Variants in SYNE2 observed in about 807,000 individuals in gnomAD.
SYNE2 encodes nesprin-2.
Under a neutral mutation model 856.3 loss-of-function variants are expected in SYNE2, and 431 were observed. The observed-to-expected ratio is 0.50, with a 90% CI of 0.47 to 0.55. SYNE2 has a LOEUF of 0.55. Among genes scored for constraint, SYNE2 ranks in the 20% least tolerant of loss-of-function variants. The pLI is 0.00. For synonymous variants in SYNE2, 2,923 were observed against 2,872.3 expected, an observed-to-expected ratio of 1.02 and a Z score of -0.56; for missense variants, 8,129 against 8,023.2, an observed-to-expected ratio of 1.01 and a Z score of -0.50.
chr14:64,101,813 G>A (rs2097732190), intron 63 of SYNE2, 119 bp from the exon 64 acceptor site: 1 of 736,758 alleles, frequency 1.4e-6, no homozygotes, highest in South Asian at 1.5e-5. Context: ...TGCAATAAAG[G>A]GCTGTGGTTA....
intron 96 of SYNE2, among the ~76,000 whole-genome samples, chr14:64,181,160 G>T (rs556687029): frequency 2.0e-5 from 3 of 151,898 alleles, no homozygotes; most frequent in South Asian, 2.1e-4. Context: ...TTAAGCAGAA[G>T]TATTAATAGC....
intron 82 of SYNE2, among the ~76,000 whole-genome samples, chr14:64,143,172 A>G (rs572250859): frequency 1.5e-4 from 23 of 152,328 alleles, no homozygotes; most frequent in Admixed American, 1.2e-3. Flanking sequence ...GGTGTCTCCA[A>G]AAGAGGTGCT....
intron 99 of SYNE2, among the ~76,000 whole-genome samples, chr14:64,191,856 C>A (rs2098520236): frequency 6.6e-6 from 1 of 152,156 alleles, no homozygotes; most frequent in Admixed American, 6.5e-5. Context: ...TCTTGACTTT[C>A]CCACTTATTC....
rs140810878 is a variant in SYNE2 at position 63,924,231 on chromosome 14, C to T, written c.79+15004C>T. ...CATTCTTCTATTATATAGATCAACC[C>T]ATGTGCCAATATTGCACTATCTTGA... On this transcript the variant is annotated intron_variant, in intron 2 of 115. Coordinates refer to ENST00000555002, the MANE Select transcript of SYNE2 (RefSeq NM_182914.3). 1.9e-3 allele frequency among the ~76,000 whole-genome samples: 283 copies of T among 152,304 alleles called. 2 individuals are homozygous for T. The highest frequency in any genetic ancestry group is 6.4e-3 in the African/African-American group (264 of 41,558).
At chr14:63,955,102 AG>A (rs150180072) in intron 8 of SYNE2, among the ~76,000 whole-genome samples, 187 bp downstream of exon 8, 1 of 152,356 alleles carries the variant, frequency 6.6e-6, no homozygotes, top group Non-Finnish European at 1.5e-5. Flanking sequence ...CAGTAATTAT[AG>A]GGGAAGCCAC....
At position 64,209,966 on chromosome 14, in the gene SYNE2, C is replaced by T. The variant is rs1366404251; in HGVS notation, c.18565C>T (p.Arg6189Trp). The change falls in exon 103 of 116, where the codon CGG becomes TGG. Residue 6189 changes from arginine to tryptophan, a missense_variant. Arg to Trp is a moderately radical substitution (Grantham distance 101). Around this residue, in one of 3 missense-constraint regions of SYNE2, gnomAD observed 5,410 missense variants for 5,284.8 expected, o/e 1.02. Coordinates refer to ENST00000555002, the MANE Select transcript of SYNE2 (RefSeq NM_182914.3). ...GGCCTTTCAGCGGCAGATTCATGAG[C>T]GGCTCACTCAGCTGGAGCTCATCAA... is the stretch of plus-strand genomic sequence containing the variant. ...FEAFQRQIHE[R>W]LTQLELINKQ... The T allele has an allele frequency of 3.7e-6, 6 of 1,614,100 alleles. No homozygotes were observed. Among genetic ancestry groups the T allele is most frequent in the Non-Finnish European group, 4.2e-6 (5 of 1,180,028 alleles).
chr14:64,223,141 G>A (rs774977701), intron 112 of SYNE2, 48 bp from the exon 113 acceptor site: 87 of 1,605,338 alleles, frequency 5.4e-5, no homozygotes, highest in Admixed American at 4.5e-4. Flanking sequence ...GTCCACACTC[G>A]CTTCCCTTTG....
intron 59 of SYNE2, among the ~76,000 whole-genome samples, chr14:64,090,181 C>A (rs2097597876): frequency 2.0e-5 from 3 of 152,274 alleles, no homozygotes; most frequent in Non-Finnish European, 4.4e-5. Flanking sequence ...ACTAGGGAGG[C>A]CTGGATTCTG....
chr14:64,220,479 T>C lies in SYNE2; in HGVS notation c.19903T>C (p.Ser6635Pro). ...AFDTYKALVV[S>P]VNVSSKEFLQ... ...TGACACTTACAAGGCATTAGTGGTC[T>C]CTGTCAACGTGAGCAGCAAGGAATT... is the stretch of plus-strand genomic sequence containing the variant. Residue 6635 changes from serine (S) to proline (P), a missense_variant, in exon 111 of 116, where the codon TCT becomes CCT. By Grantham distance (74) the Ser-to-Pro change is moderately conservative. This residue lies in a region of SYNE2 where 5,410 missense variants were observed against 5,284.8 expected (regional missense o/e 1.02). Transcript: ENST00000555002. 6.2e-7 allele frequency: 1 copy of C among 1,614,230 alleles called. No individual in the cohort carries two copies. The highest frequency in any genetic ancestry group is 8.5e-7 in the Non-Finnish European group (1 of 1,180,040).
intron 1 of SYNE2, among the ~76,000 whole-genome samples, chr14:63,774,946 T>C (rs1046211790): frequency 1.3e-5 from 2 of 152,084 alleles, no homozygotes; most frequent in African/African-American, 4.8e-5. Flanking sequence ...GCCAGTATTT[T>C]AATTTAATTT....
intron 32 of SYNE2, among the ~76,000 whole-genome samples, chr14:64,014,974 T>TATACAC (rs1434593932): frequency 4.7e-5 from 4 of 84,888 alleles, no homozygotes; most frequent in African/African-American, 1.7e-4. Context: ...TATATATATA[T>TATACAC]ACACACACAC....
At chr14:63,957,597 G>A (rs767121493) in intron 8 of SYNE2, among the ~76,000 whole-genome samples, 3 of 151,778 alleles carry the variant, frequency 2.0e-5, no homozygotes, top group African/African-American at 2.4e-5. Context: ...AAACTTCAGC[G>A]GGGCACTGTA....
At chr14:64,032,150 G>A (rs1378036548) in intron 45 of SYNE2, among the ~76,000 whole-genome samples, 2 of 152,160 alleles carry the variant, frequency 1.3e-5, no homozygotes, top group African/African-American at 4.8e-5. Context: ...CCGTAGAATA[G>A]AAATGCATGG....
At chr14:64,026,471 T>G in intron 41 of SYNE2, 108 bp from the exon 42 acceptor site, 1 of 857,198 alleles carries the variant, frequency 1.2e-6, no homozygotes, top group Non-Finnish European at 1.9e-6. Context: ...TATGTTGAAA[T>G]ATACCCTACA....
At chr14:64,221,789 A>G in intron 112 of SYNE2, 85 bp downstream of exon 112, 1 of 1,512,146 alleles carries the variant, frequency 6.6e-7, no homozygotes, top group Non-Finnish European at 9.2e-7. Context: ...CTCGCCTAGT[A>G]TTTCAGGAAC....
intron 63 of SYNE2, chr14:64,099,736 ATT>A (rs77515022): frequency 1.3e-5 from 2 of 151,116 alleles, no homozygotes; most frequent in African/African-American, 4.9e-5. Flanking sequence ...TCAAGCTGTG[ATT>A]TTTTTTTCTT....
chr14:63,905,014 A>G (rs1388572980), intron 1 of SYNE2, among the ~76,000 whole-genome samples: 1 of 152,164 alleles, frequency 6.6e-6, no homozygotes, highest in Non-Finnish European at 1.5e-5. Flanking sequence ...ATTCAGTTTC[A>G]TTCTTCAGCA....
intron 1 of SYNE2, among the ~76,000 whole-genome samples, chr14:63,842,635 T>G (rs1477414980): frequency 3.3e-5 from 5 of 151,656 alleles, no homozygotes; most frequent in Non-Finnish European, 5.9e-5. Context: ...ATTTTTGTAT[T>G]TTTAGTAGAG....
intron 1 of SYNE2, among the ~76,000 whole-genome samples, chr14:63,835,964 CAA>C (rs1178343591): frequency 8.7e-6 from 1 of 115,338 alleles, no homozygotes; most frequent in East Asian, 2.4e-4. Flanking sequence ...GCCTGGGAAA[CAA>C]GAGCAAAACT....
Sources: gnomAD v4.1 joint callset for allele counts (sites outside exome capture counted in the v4.1 genomes callset) on GRCh38, gnomAD v4.1.1 for gene constraint, gnomAD v4.1.1 regional missense constraint, MANE v1.5 for transcripts, NCBI Gene and HGNC (gene_info 2026-07-23, HGNC 2026-07-21) for gene names.